RAD51C: variants seen among roughly 807,000 people sequenced by gnomAD.
RAD51C encodes DNA repair protein RAD51 homolog 3.
A neutral mutation model predicts 45.0 loss-of-function variants in RAD51C; 42 were observed. The observed-to-expected ratio is 0.93, with a 90% CI of 0.73 to 1.21. The LOEUF (loss-of-function observed/expected upper bound fraction) is 1.21. RAD51C is among the 50% of genes most tolerant of loss of function. The pLI is 0.00. For synonymous variants in RAD51C, 172 were observed against 159.8 expected, an observed-to-expected ratio of 1.08 and a Z score of -0.58; for missense variants, 474 against 452.2, an observed-to-expected ratio of 1.05 and a Z score of -0.44.
rs976725665 is a variant in RAD51C, at chr17:58,705,479, G to A, written c.705+2150G>A. 7.2e-5 allele frequency among the ~76,000 whole-genome samples: 11 copies of A among 152,000 alleles called. No individual in the cohort carries two copies. The South Asian group carries it at 2.3e-3, about 32-fold the overall frequency. ...CTCCAGAGTAGCTGGGACTACAGGC[G>A]CATGCCACCACGCCTGGCTAATTTT... On this transcript the variant is annotated intron_variant, in intron 4 of 8. Transcript: ENST00000337432.
intron 3 of RAD51C, among the ~76,000 whole-genome samples, chr17:58,699,377 A>T (rs768476825): frequency 1.3e-4 from 20 of 151,744 alleles, no homozygotes; most frequent in South Asian, 6.2e-4. Flanking sequence ...TAAAAGTTTT[A>T]AAAAAAATGC....
At chr17:58,711,807 G>A (rs1198679025) in intron 5 of RAD51C, among the ~76,000 whole-genome samples, 1 of 151,988 alleles carries the variant, frequency 6.6e-6, no homozygotes, top group Non-Finnish European at 1.5e-5. Context: ...TGTAGGGTTA[G>A]GGACACACTT....
chr17:58,724,740 G>T lies in RAD51C; in HGVS notation c.965+640G>T, dbSNP rs192679401. ...TTTTCTTGAAAATAGACCATTGAAA[G>T]CTGTGAAGTCTTTTCTACACTTCTA... On this transcript the variant is annotated intron_variant, in intron 7 of 8. Coordinates refer to ENST00000337432, the MANE Select transcript of RAD51C (RefSeq NM_058216.3). 3.9e-5 allele frequency among the ~76,000 whole-genome samples: 6 copies of T among 152,240 alleles called. No homozygotes were observed. The East Asian group carries it at 1.2e-3, about 29-fold the overall frequency.
chr17:58,714,236 C>T (rs891018709), intron 5 of RAD51C, among the ~76,000 whole-genome samples: 1 of 152,078 alleles, frequency 6.6e-6, no homozygotes, highest in East Asian at 1.9e-4. Flanking sequence ...CGACCCTCCT[C>T]GGCCTCCCAA....
intron 2 of RAD51C, among the ~76,000 whole-genome samples, chr17:58,695,960 G>T (rs571023813): frequency 6.6e-6 from 1 of 151,878 alleles, no homozygotes; most frequent in Admixed American, 6.6e-5. Flanking sequence ...TCAGCTCCTC[G>T]GGAGGCTGAG....
At chr17:58,695,656 A>AGGC (rs2047977215) in intron 2 of RAD51C, among the ~76,000 whole-genome samples, 2 of 152,080 alleles carry the variant, frequency 1.3e-5, no homozygotes, top group Non-Finnish European at 2.9e-5. Context: ...GTGGTGGCAC[A>AGGC]TGCCTGTGGT....
intron 3 of RAD51C, among the ~76,000 whole-genome samples, chr17:58,697,195 T>C (rs2048048264): frequency 6.6e-6 from 1 of 152,220 alleles, no homozygotes; most frequent in Non-Finnish European, 1.5e-5. Context: ...TGCTTTCCAA[T>C]GTATAAGGAC....
intron 3 of RAD51C, among the ~76,000 whole-genome samples, chr17:58,697,118 C>A (rs1382553780): frequency 2.0e-5 from 3 of 152,160 alleles, no homozygotes; most frequent in African/African-American, 7.2e-5. Flanking sequence ...TTTCAGTCAT[C>A]ATACTCCATC....
At chr17:58,715,504 C>G (rs573217516) in intron 5 of RAD51C, among the ~76,000 whole-genome samples, 1 of 146,640 alleles carries the variant, frequency 6.8e-6, no homozygotes, top group Admixed American at 6.9e-5. Context: ...ATTCTCTATT[C>G]TACCCTCCCC....
chr17:58,700,590 C>A (rs2048180466), intron 3 of RAD51C, among the ~76,000 whole-genome samples: 1 of 151,850 alleles, frequency 6.6e-6, no homozygotes. Flanking sequence ...CTACAGGCAC[C>A]CGCCACCACG....
At chr17:58,732,699 A>G in intron 8 of RAD51C, 155 bp downstream of exon 8, 1 of 699,476 alleles carries the variant, frequency 1.4e-6, no homozygotes. Context: ...AAATAGTAGT[A>G]TATACAGAAT....
At chr17:58,715,515 C>G (rs1037491199) in intron 5 of RAD51C, among the ~76,000 whole-genome samples, 3 of 151,548 alleles carry the variant, frequency 2.0e-5, no homozygotes, top group Admixed American at 2.0e-4. Flanking sequence ...TACCCTCCCC[C>G]AGTCCCTCAC....
At chr17:58,698,884 T>C (rs2048112274) in intron 3 of RAD51C, among the ~76,000 whole-genome samples, 1 of 148,198 alleles carries the variant, frequency 6.7e-6, no homozygotes, top group Non-Finnish European at 1.5e-5. Flanking sequence ...ATCGTGCCAC[T>C]GCACTCCATT....
chr17:58,727,290 A>G (rs190275936), intron 7 of RAD51C, among the ~76,000 whole-genome samples: 1 of 151,608 alleles, frequency 6.6e-6, no homozygotes. Flanking sequence ...ACACCTTGCT[A>G]ATTTTGTATT....
At position 58,709,152 on chromosome 17, in the gene RAD51C, TG is replaced by T. The variant is rs1254814276; in HGVS notation, c.706-705del. On this transcript the variant is annotated intron_variant, in intron 4 of 8. Coordinates refer to ENST00000337432, the MANE Select transcript of RAD51C (RefSeq NM_058216.3). ...CTCTGTCGCCCAGGCTGGAGTACAG[TG>T]GCGCAACCTCTGCCACCAGGGTTCA... Among the ~76,000 whole-genome samples the T allele has an allele frequency of 2.0e-5, 3 of 148,704 alleles. No individual in the cohort carries two copies. In the East Asian group the frequency reaches 5.9e-4, roughly 29 times the overall value.
chr17:58,703,584 C>G (rs1852871085), intron 4 of RAD51C, among the ~76,000 whole-genome samples: 1 of 152,144 alleles, frequency 6.6e-6, no homozygotes, highest in African/African-American at 2.4e-5. Context: ...TAGCTCCTAT[C>G]AAACCACATT....
intron 7 of RAD51C, among the ~76,000 whole-genome samples, chr17:58,725,230 A>G (rs940498573): frequency 6.6e-6 from 1 of 151,852 alleles, no homozygotes; most frequent in Non-Finnish European, 1.5e-5. Flanking sequence ...TTTTTTTTCT[A>G]TGATCACAAT....
Position 58,712,323 on chromosome 17 carries a change from C to T in RAD51C, c.837+2333C>T, listed in dbSNP as rs186012075. On this transcript the variant is annotated intron_variant, in intron 5 of 8. Transcript: ENST00000337432. ...TTGCGCCACTGCACTCCATCCTGGG[C>T]GAGAGAGCAACACTCCATCTCAAAA... Among the ~76,000 whole-genome samples, 395 of 116,880 alleles carry T rather than the reference C, an allele frequency of 3.4e-3. 2 individuals carry two copies. The highest frequency in any genetic ancestry group is 0.013 in the Admixed American group (103 of 8,228). 76.7% of individuals were successfully genotyped at this position (116,880 alleles called of 152,430 possible).
At chr17:58,692,813 A>G in intron 1 of RAD51C, 25 bp downstream of exon 1, 1 of 1,613,988 alleles carries the variant, frequency 6.2e-7, no homozygotes, top group Non-Finnish European at 8.5e-7. Context: ...TGGCAAGCTG[A>G]GGCACACCGG....
Sources: gnomAD v4.1 joint callset for allele counts (sites outside exome capture counted in the v4.1 genomes callset) on GRCh38, gnomAD v4.1.1 for gene constraint, MANE v1.5 for transcripts, NCBI Gene and HGNC (gene_info 2026-07-23, HGNC 2026-07-21) for gene names.